The following GPHN variants were observed in gnomAD, a reference collection of about 807,000 sequenced individuals.
GPHN encodes the protein gephyrin.
Under a neutral mutation model 95.5 loss-of-function variants are expected in GPHN, and 17 were observed. That is an observed-to-expected ratio of 0.18 (90% CI 0.12 to 0.27). The LOEUF is 0.27. Among genes scored for constraint, GPHN ranks in the 10% least tolerant of loss-of-function variants. The probability of loss-of-function intolerance (pLI) is 1.00; values close to 1 mark genes in which losing one functional copy is unlikely to be tolerated. For missense variants in GPHN, 660 were observed against 978.1 expected, an observed-to-expected ratio of 0.67 and a Z score of 4.34; for synonymous variants, 320 against 322.5, an observed-to-expected ratio of 0.99 and a Z score of 0.08.
intron 3 of GPHN, among the ~76,000 whole-genome samples, chr14:66,797,266 A>T (rs1300049297): frequency 2.0e-5 from 3 of 151,224 alleles, no homozygotes; most frequent in Non-Finnish European, 3.0e-5. Flanking sequence ...AGGTAATATG[A>T]TTTCTTCCAG....
At chr14:67,352,472 A>G in the GPHN span, among the ~76,000 whole-genome samples, 1 of 152,010 alleles carries the variant, frequency 6.6e-6, no homozygotes, top group Non-Finnish European at 1.5e-5. Context: ...ATGTCATACC[A>G]TGCGGTAGTA....
chr14:67,209,749 C>A, the GPHN span, among the ~76,000 whole-genome samples: 2 of 146,580 alleles, frequency 1.4e-5, no homozygotes, highest in African/African-American at 5.1e-5. Context: ...ACCCGGGAGA[C>A]TGAGGTTGCA....
intron 1 of GPHN, among the ~76,000 whole-genome samples, chr14:66,547,055 T>C (rs966354640): frequency 4.6e-5 from 7 of 152,220 alleles, no homozygotes; most frequent in African/African-American, 1.7e-4. Flanking sequence ...TCCAGTGTTC[T>C]TGGTGGAGCC....
the GPHN span, among the ~76,000 whole-genome samples, chr14:67,469,449 T>C: frequency 2.1e-5 from 3 of 144,936 alleles, no homozygotes; most frequent in Non-Finnish European, 4.5e-5. Context: ...GCTTTTTTTT[T>C]TTTTTTTTTT....
chr14:67,393,007 C>A, the GPHN span: 1 of 874,454 alleles, frequency 1.1e-6, no homozygotes, highest in Non-Finnish European at 1.9e-6. Flanking sequence ...CGTGGCTGCA[C>A]ACCCACACAT....
At chr14:67,650,873 C>T in the GPHN span, 98 of 1,614,038 alleles carry the variant, frequency 6.1e-5, no homozygotes, top group Admixed American at 4.0e-4. Context: ...ACTTCCTACT[C>T]CCAGTTCACC....
At chr14:66,764,292 G>T (rs928147165) in intron 2 of GPHN, among the ~76,000 whole-genome samples, 1 of 152,056 alleles carries the variant, frequency 6.6e-6, no homozygotes, top group Non-Finnish European at 1.5e-5. Flanking sequence ...CTATATAAGG[G>T]ACTTGAGCAT....
chr14:67,225,962 T>TGTGTGCGC, the GPHN span, among the ~76,000 whole-genome samples: 490 of 113,474 alleles, frequency 4.3e-3, 1 homozygote, highest in African/African-American at 0.023. Context: ...TGTGTGTGTG[T>TGTGTGCGC]GCGCGCGCGC....
chr14:67,475,454 AG>A, the GPHN span, among the ~76,000 whole-genome samples: 17 of 152,296 alleles, frequency 1.1e-4, no homozygotes, highest in Non-Finnish European at 2.4e-4. Flanking sequence ...TAACTTTCTG[AG>A]GAACCACTGT....
intron 2 of GPHN, among the ~76,000 whole-genome samples, chr14:66,704,687 C>A (rs578243807): frequency 6.6e-6 from 1 of 152,240 alleles, no homozygotes; most frequent in South Asian, 2.1e-4. Flanking sequence ...ACTTACGGCA[C>A]TAAATGCCCA....
intron 17 of GPHN, among the ~76,000 whole-genome samples, chr14:67,138,887 C>CT (rs34446302): frequency 0.036 from 3,377 of 94,688 alleles, 344 homozygotes; most frequent in African/African-American, 0.14. Flanking sequence ...GCATCCTCTC[C>CT]TTTTTTTTTT....
chr14:66,862,790 A>T (rs911318570), intron 4 of GPHN, among the ~76,000 whole-genome samples: 2 of 152,140 alleles, frequency 1.3e-5, no homozygotes, highest in African/African-American at 4.8e-5. Context: ...CATGATAAAA[A>T]TCCTCAAAAA....
chr14:66,911,208 G>C (rs968421791), intron 5 of GPHN, among the ~76,000 whole-genome samples: 1 of 151,868 alleles, frequency 6.6e-6, no homozygotes, highest in East Asian at 1.9e-4. Flanking sequence ...GAAATGTCTA[G>C]AATAGGCAAG....
chr14:67,397,958 T>C, the GPHN span: 1 of 672,284 alleles, frequency 1.5e-6, no homozygotes, highest in Non-Finnish European at 2.4e-6. Flanking sequence ...ACAGCAGGAT[T>C]TGTGTCTGGA....
the GPHN span, among the ~76,000 whole-genome samples, chr14:67,520,933 G>A: frequency 1.3e-5 from 2 of 152,228 alleles, no homozygotes; most frequent in East Asian, 3.8e-4. Flanking sequence ...ATTCCCACAA[G>A]CAATGAATGG....
chr14:67,424,083 C>CA, the GPHN span, among the ~76,000 whole-genome samples: 2 of 151,876 alleles, frequency 1.3e-5, no homozygotes, highest in African/African-American at 2.4e-5. Flanking sequence ...ACTAAAAATA[C>CA]AAAAAAATTA....
the GPHN span, among the ~76,000 whole-genome samples, chr14:67,329,086 A>G: frequency 3.3e-4 from 50 of 152,218 alleles, no homozygotes; most frequent in Non-Finnish European, 5.1e-4. Flanking sequence ...CCATTTTCAC[A>G]ATATTGATTC....
intron 9 of GPHN, among the ~76,000 whole-genome samples, chr14:66,987,164 A>G (rs1045812615): frequency 6.6e-6 from 1 of 152,158 alleles, no homozygotes; most frequent in African/African-American, 2.4e-5. Context: ...ATATATCAGT[A>G]GCATTCCTCA....
rs1474163796 is a variant in GPHN, at chr14:66,527,122, G to C, written c.64+18531G>C. Among the ~76,000 whole-genome samples, 15 of 152,188 alleles carry C rather than the reference G, an allele frequency of 9.9e-5. No homozygotes were observed. The East Asian group carries it at 2.7e-3, about 27-fold the overall frequency. ...TCTGGTCCTGGACTTTTTTTGGTTA[G>C]TAGGCTATTACTGCCTCAATTTCAG... is the stretch of plus-strand genomic sequence containing the variant. On this transcript the variant is annotated intron_variant, in intron 1 of 22. Coordinates refer to ENST00000478722, the MANE Select transcript of GPHN (RefSeq NM_020806.5).
Sources: gnomAD v4.1 joint callset for allele counts (sites outside exome capture counted in the v4.1 genomes callset) on GRCh38, gnomAD v4.1.1 for gene constraint, MANE v1.5 for transcripts, NCBI Gene and HGNC (gene_info 2026-07-23, HGNC 2026-07-21) for gene names.